The following LRSAM1 variants were observed in gnomAD, a reference collection of about 807,000 sequenced individuals.
LRSAM1 encodes leucine rich repeat and sterile alpha motif containing 1.
A neutral mutation model predicts 118.1 loss-of-function variants in LRSAM1; 96 were observed. That is an observed-to-expected ratio of 0.81 (90% CI 0.69 to 0.96). The LOEUF (loss-of-function observed/expected upper bound fraction) is 0.96, where lower values mean the gene tolerates loss of function less well. LRSAM1 is among the 40% of genes least tolerant of loss of function. The pLI is 0.00. For synonymous variants in LRSAM1, 322 were observed against 364.2 expected, an observed-to-expected ratio of 0.88 and a Z score of 1.32; for missense variants, 804 against 915.5, an observed-to-expected ratio of 0.88 and a Z score of 1.57.
chr9:127,493,880 G>C (rs1836024684), intron 21 of LRSAM1, among the ~76,000 whole-genome samples: 1 of 152,236 alleles, frequency 6.6e-6, no homozygotes, highest in African/African-American at 2.4e-5. Context: ...GAATGCACCA[G>C]ATGCCCTCTG....
chr9:127,469,435 A>T (rs2265687), intron 10 of LRSAM1, among the ~76,000 whole-genome samples: 1 of 151,566 alleles, frequency 6.6e-6, no homozygotes, highest in Non-Finnish European at 1.5e-5. Context: ...GTGCCACTGC[A>T]CTCCAGTCTG....
rs1286898852 is a variant in LRSAM1, at chr9:127,478,975, C to T, written c.780+12C>T. On this transcript the variant is annotated intron_variant, in intron 12 of 25. Coordinates refer to ENST00000300417, the MANE Select transcript of LRSAM1 (RefSeq NM_001005373.4). ...ATGAGAAGAGGAAGGTAAGAAAATG[C>T]CTTTACCCTTCTGTCACTCTTTTCT... The T allele has an allele frequency of 1.9e-6, 3 of 1,611,256 alleles. No homozygotes were observed. Among genetic ancestry groups the T allele is most frequent in the Non-Finnish European group, 2.5e-6 (3 of 1,177,448 alleles).
intron 17 of LRSAM1, among the ~76,000 whole-genome samples, chr9:127,486,172 A>C (rs998140295): frequency 2.0e-5 from 3 of 152,206 alleles, no homozygotes; most frequent in Non-Finnish European, 4.4e-5. Flanking sequence ...TCAGGTTCTG[A>C]GAAACTGTAT....
intron 16 of LRSAM1, among the ~76,000 whole-genome samples, chr9:127,483,519 G>A (rs1465781660): frequency 6.6e-6 from 1 of 152,054 alleles, no homozygotes; most frequent in Non-Finnish European, 1.5e-5. Flanking sequence ...TGATCCATAT[G>A]CTGTGGCACT....
At chr9:127,467,878 C>A in intron 10 of LRSAM1, 48 bp downstream of exon 10, 2 of 1,522,708 alleles carry the variant, frequency 1.3e-6, no homozygotes, top group South Asian at 1.2e-5. Flanking sequence ...ACTATGACCC[C>A]CATGGCCACC....
At position 127,503,010 on chromosome 9, in the gene LRSAM1, T is replaced by A; in HGVS notation, c.*111T>A. The A allele has an allele frequency of 6.9e-7, 1 of 1,444,398 alleles. No homozygotes were observed. Among genetic ancestry groups the A allele is most frequent in the Non-Finnish European group, 9.4e-7 (1 of 1,063,516 alleles). 89.5% of individuals were successfully genotyped at this position (1,444,398 alleles called of 1,614,324 possible). On this transcript the variant is annotated 3_prime_UTR_variant, in exon 26 of 26. Coordinates refer to ENST00000300417, the MANE Select transcript of LRSAM1 (RefSeq NM_001005373.4). Reference sequence around the variant, plus strand: ...ACTCGTATGAGGCTCCCCCCTGCCCTGGGCCCCTTCCCCACTGCCCAGGAG... The same window carrying A: ...ACTCGTATGAGGCTCCCCCCTGCCCAGGGCCCCTTCCCCACTGCCCAGGAG...
intron 10 of LRSAM1, among the ~76,000 whole-genome samples, chr9:127,472,853 C>T (rs965943398): frequency 1.3e-5 from 2 of 152,130 alleles, no homozygotes; most frequent in African/African-American, 2.4e-5. Flanking sequence ...TGTTGGAAGG[C>T]ATTTCCAGTT....
chr9:127,492,181 C>T (rs758793220), intron 20 of LRSAM1, among the ~76,000 whole-genome samples: 12 of 152,190 alleles, frequency 7.9e-5, no homozygotes, highest in Admixed American at 2.0e-4. Context: ...AAGATGGCAG[C>T]GGTCCTCCAG....
chr9:127,494,666 G>A (rs1360689129), intron 21 of LRSAM1, among the ~76,000 whole-genome samples: 3 of 152,212 alleles, frequency 2.0e-5, no homozygotes, highest in African/African-American at 7.2e-5. Flanking sequence ...CATTCAGGCT[G>A]GGTGCAGTGG....
chr9:127,480,059 CCT>C, intron 14 of LRSAM1, 81 bp downstream of exon 14: 1 of 1,586,848 alleles, frequency 6.3e-7, no homozygotes, highest in Non-Finnish European at 8.6e-7. Flanking sequence ...TGTGTTTCTC[CCT>C]CACTGCCTCT....
At chr9:127,499,306 C>T (rs1302798221) in intron 24 of LRSAM1, among the ~76,000 whole-genome samples, 2 of 151,542 alleles carry the variant, frequency 1.3e-5, no homozygotes, top group East Asian at 1.9e-4. Flanking sequence ...CTTGGGAGGT[C>T]GAGGCTGCAG....
rs942116544 is a variant in LRSAM1, at chr9:127,457,347, C to G, written c.206C>G (p.Ser69Cys). Residue 69 changes from serine (S) to cysteine (C), a missense_variant, in exon 6 of 26, where the codon TCC (serine) becomes TGC (cysteine). Ser to Cys is a moderately radical substitution (Grantham distance 112). Coordinates refer to ENST00000300417, the MANE Select transcript of LRSAM1 (RefSeq NM_001005373.4). The part of the protein sequence containing the change: ...VLIVHTNHLT[S>C]LLPKSCSLLS... ...ATCGTCCACACGAATCACCTCACTT[C>G]CCTGCTTCCCAAATCCTGCAGCCTC... 4.3e-6 allele frequency: 7 copies of G among 1,614,112 alleles called. No homozygotes were observed. The highest frequency in any genetic ancestry group is 5.1e-6 in the Non-Finnish European group (6 of 1,180,058).
At chr9:127,500,702 CA>C (rs1183709669) in intron 24 of LRSAM1, among the ~76,000 whole-genome samples, 4 of 152,230 alleles carry the variant, frequency 2.6e-5, no homozygotes, top group Non-Finnish European at 5.9e-5. Context: ...CTGAAAGTGC[CA>C]AGCCCTACTT....
intron 16 of LRSAM1, among the ~76,000 whole-genome samples, chr9:127,485,039 C>T (rs865884388): frequency 6.6e-6 from 1 of 152,022 alleles, no homozygotes; most frequent in Non-Finnish European, 1.5e-5. Flanking sequence ...AACTCCTGAC[C>T]TCCGGTGATC....
intron 19 of LRSAM1, among the ~76,000 whole-genome samples, chr9:127,490,139 T>C (rs886064655): frequency 1.3e-5 from 2 of 151,478 alleles, no homozygotes; most frequent in African/African-American, 4.9e-5. Context: ...GCCTGTGGAG[T>C]GGGGCTGGGG....
intron 18 of LRSAM1, 86 bp downstream of exon 18, chr9:127,487,849 C>T: frequency 8.5e-7 from 1 of 1,181,326 alleles, no homozygotes; most frequent in Non-Finnish European, 1.2e-6. Context: ...ACACGGAGCC[C>T]TTCCTAGACA....
chr9:127,475,047 T>TTTATTATTATTA (rs149765084), intron 11 of LRSAM1, among the ~76,000 whole-genome samples: 10 of 149,176 alleles, frequency 6.7e-5, no homozygotes, highest in African/African-American at 2.5e-4. Context: ...CATTTGGGAT[T>TTTATTATTATTA]TTATTATTAT....
chr9:127,496,759 C>T (rs1452178266), intron 23 of LRSAM1, among the ~76,000 whole-genome samples: 4 of 152,212 alleles, frequency 2.6e-5, no homozygotes, highest in Non-Finnish European at 4.4e-5. Flanking sequence ...TCTCCTGCCC[C>T]TCCCTGGACA....
intron 20 of LRSAM1, 129 bp from the exon 21 acceptor site, chr9:127,492,673 C>G: frequency 1.2e-6 from 1 of 820,296 alleles, no homozygotes. Flanking sequence ...CTTTGTCCCC[C>G]AACGCAGCCT....
Sources: allele counts gnomAD v4.1 joint callset (sites outside exome capture counted in the v4.1 genomes callset), GRCh38; gene constraint gnomAD v4.1.1; transcripts MANE v1.5; gene names NCBI Gene and HGNC (gene_info 2026-07-23, HGNC 2026-07-21).